PDE1C: variants seen among roughly 807,000 people sequenced by gnomAD.
PDE1C encodes phosphodiesterase 1C.
A neutral mutation model predicts 93.1 loss-of-function variants in PDE1C; 62 were observed. The ratio of observed to expected loss-of-function variants is 0.67; its 90% CI spans 0.54 to 0.82. The LOEUF (loss-of-function observed/expected upper bound fraction) is 0.82. PDE1C is among the 40% of genes least tolerant of loss of function. The pLI is 0.00. For synonymous variants in PDE1C, 325 were observed against 310.1 expected (o/e 1.05, Z -0.50); for missense variants, 742 against 884.6 (o/e 0.84, Z 2.04).
intron 2 of PDE1C, among the ~76,000 whole-genome samples, chr7:32,202,806 G>A (rs1348927151): frequency 6.6e-6 from 1 of 152,104 alleles, no homozygotes; most frequent in African/African-American, 2.4e-5. Flanking sequence ...TGTGTTGCTT[G>A]CGTGGTTGAT....
chr7:32,052,452 A>G, intron 1 of PDE1C: 1 of 428,350 alleles, frequency 2.3e-6, no homozygotes, highest in African/African-American at 2.0e-5. Flanking sequence ...CAATTTTTGT[A>G]GACTCTGAAG....
chr7:31,617,905 AAAG>A, the PDE1C span, among the ~76,000 whole-genome samples: 1 of 152,222 alleles, frequency 6.6e-6, no homozygotes, highest in Non-Finnish European at 1.5e-5. Flanking sequence ...CACTGCAGGA[AAAG>A]AAGATAAAGT....
At chr7:32,160,667 C>T (rs1453826623) in intron 3 of PDE1C, among the ~76,000 whole-genome samples, 1 of 152,052 alleles carries the variant, frequency 6.6e-6, no homozygotes, top group Non-Finnish European at 1.5e-5. Flanking sequence ...CATGGTGAAA[C>T]CCCATCTCTA....
intron 1 of PDE1C, among the ~76,000 whole-genome samples, chr7:32,271,663 C>T (rs747257172): frequency 3.9e-5 from 6 of 152,230 alleles, no homozygotes; most frequent in East Asian, 3.9e-4. Flanking sequence ...CAAAACAGGA[C>T]GAAGTTCACA....
At position 32,234,527 on chromosome 7, in the gene PDE1C, G is replaced by C. The variant is rs367951250; in HGVS notation, c.86-24988C>G. Among the ~76,000 whole-genome samples, 42 of 152,016 alleles carry C rather than the reference G, an allele frequency of 2.8e-4. No homozygotes were observed. In the South Asian group the frequency reaches 7.2e-3, roughly 26 times the overall value. On this transcript the variant is annotated intron_variant, in intron 1 of 18. Coordinates refer to the PDE1C transcript ENST00000396193. ...AGTTTCACAACTTACATAAAACTTA[G>C]AACAACTCCTCAGGCTTCAGATTTC...
chr7:31,862,950 C>T (rs920085158), intron 7 of PDE1C, among the ~76,000 whole-genome samples: 4 of 152,034 alleles, frequency 2.6e-5, no homozygotes, highest in Non-Finnish European at 5.9e-5. Flanking sequence ...ACAAAATTGT[C>T]TTTTCTAAGG....
chr7:31,641,963 T>A, the PDE1C span, among the ~76,000 whole-genome samples: 41 of 152,182 alleles, frequency 2.7e-4, 1 homozygote, highest in Non-Finnish European at 3.4e-4. Flanking sequence ...CAGGTTTTAT[T>A]CTTTGTATCA....
At chr7:31,836,283 G>T (rs552092314) in intron 11 of PDE1C, among the ~76,000 whole-genome samples, 1 of 152,200 alleles carries the variant, frequency 6.6e-6, no homozygotes, top group East Asian at 1.9e-4. Flanking sequence ...CTAGTTCCAT[G>T]CAATTTTAAA....
chr7:31,929,409 A>C (rs181387763), intron 2 of PDE1C, among the ~76,000 whole-genome samples: 1 of 152,328 alleles, frequency 6.6e-6, no homozygotes, highest in East Asian at 1.9e-4. Context: ...GATATTCAGG[A>C]CTTGAACTCA....
chr7:32,307,995 C>T (rs1813059111), intron 1 of PDE1C, among the ~76,000 whole-genome samples: 1 of 152,210 alleles, frequency 6.6e-6, no homozygotes, highest in Admixed American at 6.5e-5. Context: ...AATGGGGTGA[C>T]AGATGGCACC....
At chr7:32,168,435 A>C (rs1403071073) in intron 3 of PDE1C, among the ~76,000 whole-genome samples, 1 of 152,208 alleles carries the variant, frequency 6.6e-6, no homozygotes, top group Non-Finnish European at 1.5e-5. Flanking sequence ...TTGCCTGTTC[A>C]TTGAAGAAAA....
At chr7:31,855,735 AAAATAAATAAT>A (rs1401796806) in intron 7 of PDE1C, among the ~76,000 whole-genome samples, 6 of 148,040 alleles carry the variant, frequency 4.1e-5, no homozygotes, top group Admixed American at 1.3e-4. Flanking sequence ...AAAAAAATAA[AAAATAAATAAT>A]AAATAAAAAA....
At chr7:31,914,932 C>G (rs1431428696) in intron 2 of PDE1C, among the ~76,000 whole-genome samples, 2 of 152,206 alleles carry the variant, frequency 1.3e-5, no homozygotes, top group African/African-American at 4.8e-5. Flanking sequence ...ATGATGTTTT[C>G]TCATCTGCCC....
intron 1 of PDE1C, among the ~76,000 whole-genome samples, chr7:32,323,503 A>G (rs1783341769): frequency 6.6e-6 from 1 of 152,178 alleles, no homozygotes; most frequent in Non-Finnish European, 1.5e-5. Context: ...CCCCTGAGGG[A>G]GAGAGGCCTT....
intron 2 of PDE1C, among the ~76,000 whole-genome samples, chr7:32,047,864 T>C (rs1471920505): frequency 6.6e-6 from 1 of 152,218 alleles, no homozygotes; most frequent in Non-Finnish European, 1.5e-5. Flanking sequence ...TAATATAACA[T>C]TTATATCACT....
At chr7:31,972,877 G>A (rs937832252) in intron 2 of PDE1C, among the ~76,000 whole-genome samples, 2 of 152,026 alleles carry the variant, frequency 1.3e-5, no homozygotes, top group African/African-American at 2.4e-5. Flanking sequence ...CCATGAGCCT[G>A]GCATCTTCTG....
At chr7:32,232,710 A>C (rs967098369) in intron 1 of PDE1C, among the ~76,000 whole-genome samples, 9 of 152,222 alleles carry the variant, frequency 5.9e-5, no homozygotes, top group African/African-American at 2.2e-4. Context: ...ATCTGACTGT[A>C]AGCAGCATAC....
intron 1 of PDE1C, among the ~76,000 whole-genome samples, chr7:32,222,551 C>G (rs1806951914): frequency 6.6e-6 from 1 of 152,198 alleles, no homozygotes; most frequent in Non-Finnish European, 1.5e-5. Context: ...TTGATGTTAG[C>G]TTGGCATCTT....
chr7:32,281,702 T>C (rs747516782), intron 1 of PDE1C, among the ~76,000 whole-genome samples: 10 of 152,184 alleles, frequency 6.6e-5, no homozygotes, highest in Admixed American at 1.3e-4. Flanking sequence ...ATGAGTCTCT[T>C]TAAAGAAATA....
Sources: gnomAD v4.1 joint callset for allele counts (sites outside exome capture counted in the v4.1 genomes callset) on GRCh38, gnomAD v4.1.1 for gene constraint, MANE v1.5 for transcripts, NCBI Gene and HGNC (gene_info 2026-07-23, HGNC 2026-07-21) for gene names.